The following CCDC73 variants were observed in gnomAD, a reference collection of about 807,000 sequenced individuals.
CCDC73 encodes coiled-coil domain containing 73.
In CCDC73, 95 loss-of-function variants were observed where a neutral mutation model predicts 116.5. The observed-to-expected ratio is 0.82, with a 90% CI of 0.69 to 0.97. The LOEUF (loss-of-function observed/expected upper bound fraction) is 0.97, where lower values mean the gene tolerates loss of function less well. Among genes scored for constraint, CCDC73 ranks in the 50% least tolerant of loss-of-function variants. The pLI, the probability that CCDC73 is intolerant of heterozygous loss-of-function variation, is 0.00. For missense variants in CCDC73, 1,066 were observed against 1,206.8 expected (o/e 0.88, Z 1.73); for synonymous variants, 398 against 401.3 (o/e 0.99, Z 0.10).
intron 12 of CCDC73, 57 bp from the exon 13 acceptor site, chr11:32,642,139 GT>G: frequency 7.1e-7 from 1 of 1,417,950 alleles, no homozygotes; most frequent in Non-Finnish European, 9.3e-7. Flanking sequence ...GAATTCTGAT[GT>G]GTTTTATGTT....
intron 9 of CCDC73, among the ~76,000 whole-genome samples, chr11:32,657,559 C>G (rs977304725): frequency 2.6e-5 from 4 of 152,110 alleles, no homozygotes; most frequent in African/African-American, 9.7e-5. Flanking sequence ...GCTCTGTGCC[C>G]TATGTGGCTG....
At chr11:32,672,449 TA>T (rs1459452058) in intron 9 of CCDC73, among the ~76,000 whole-genome samples, 2 of 152,190 alleles carry the variant, frequency 1.3e-5, no homozygotes, top group Non-Finnish European at 2.9e-5. Flanking sequence ...TAAGAATGCA[TA>T]AACTAATTGT....
the CCDC73 span, among the ~76,000 whole-genome samples, chr11:32,818,731 AG>A: frequency 0.1 from 15,628 of 152,306 alleles, 843 homozygotes; most frequent in Non-Finnish European, 0.13. Flanking sequence ...AGCCATAAAA[AG>A]GAGGGAGTAC....
At chr11:32,753,481 T>C (rs961367415) in intron 2 of CCDC73, among the ~76,000 whole-genome samples, 8 of 151,718 alleles carry the variant, frequency 5.3e-5, no homozygotes, top group Non-Finnish European at 1.0e-4. Context: ...TTCTTTTTTT[T>C]TGAGACAGAG....
At position 32,662,689 on chromosome 11, in the gene CCDC73, T is replaced by C. The variant is rs1470076029; in HGVS notation, c.646-7717A>G. On this transcript the variant is annotated intron_variant, in intron 9 of 17. Coordinates refer to ENST00000335185, the MANE Select transcript of CCDC73 (RefSeq NM_001008391.4). ...TTTGGTGCGCAGAAGCTCTTTAGTT[T>C]AATTAGATCCCAATTGTCAATGTTG... Among the ~76,000 whole-genome samples, 3 of 152,208 alleles carry C rather than the reference T, an allele frequency of 2.0e-5. No homozygotes were observed. The East Asian group carries it at 5.8e-4, about 29-fold the overall frequency.
chr11:32,818,510 C>T, the CCDC73 span, among the ~76,000 whole-genome samples: 11 of 152,274 alleles, frequency 7.2e-5, no homozygotes, highest in African/African-American at 1.4e-4. Context: ...TTTCTCAAAA[C>T]GTAAACATAG....
rs1855446878 is a variant in CCDC73, at chr11:32,613,926, T to C, written c.2392A>G (p.Met798Val). The C allele has an allele frequency of 1.2e-6, 2 of 1,612,334 alleles. No homozygotes were observed. The highest frequency in any genetic ancestry group is 1.1e-5 in the South Asian group (1 of 91,080). ...QAKDVKTAVH[M>V]KTCTETEFSN... ...AACTCTGTTTCTGTGCAAGTTTTCA[T>C]GTGAACAGCAGTTTTCACATCTTTG... The change falls in exon 16 of 18, where the codon ATG (methionine) becomes GTG (valine). Residue 798 changes from methionine (M) to valine (V), a missense_variant. Coordinates refer to ENST00000335185, the MANE Select transcript of CCDC73 (RefSeq NM_001008391.4).
chr11:32,759,195 T>A (rs1245519885), intron 2 of CCDC73, among the ~76,000 whole-genome samples: 1 of 152,010 alleles, frequency 6.6e-6, no homozygotes, highest in East Asian at 1.9e-4. Flanking sequence ...GTTTTTTTTC[T>A]CTCGAGAATC....
chr11:32,616,034 C>T lies in CCDC73; in HGVS notation c.1281G>A (p.Arg427=). 2 of 1,602,284 alleles carry T rather than the reference C, an allele frequency of 1.2e-6. No homozygotes were observed. The highest frequency in any genetic ancestry group is 1.7e-6 in the Non-Finnish European group (2 of 1,175,016). ...IQKYNTEQEI[R]EENMENFCSD... ...AACAAAAATTCTCCATATTTTCTTC[C>T]CTTATTTCTTGCTCAGTATTATATT... is the stretch of plus-strand genomic sequence containing the variant. The change falls in exon 15 of 18, where the codon AGG becomes AGA. Residue 427 remains arginine, a synonymous_variant. Transcript: ENST00000335185.
intron 2 of CCDC73, among the ~76,000 whole-genome samples, chr11:32,731,784 G>A (rs1298649793): frequency 5.3e-5 from 8 of 152,268 alleles, no homozygotes; most frequent in Non-Finnish European, 4.4e-5. Flanking sequence ...AAGACCAAAG[G>A]TAGATAAAAC....
intron 11 of CCDC73, 82 bp from the exon 12 acceptor site, chr11:32,653,309 G>A: frequency 1.2e-6 from 1 of 823,276 alleles, no homozygotes; most frequent in Non-Finnish European, 1.9e-6. Flanking sequence ...ACATTTTCTA[G>A]TTTCCTAACT....
At chr11:32,762,948 T>G (rs571798259) in intron 1 of CCDC73, among the ~76,000 whole-genome samples, 1 of 152,262 alleles carries the variant, frequency 6.6e-6, no homozygotes, top group Non-Finnish European at 1.5e-5. Flanking sequence ...ACCAGGAAAT[T>G]ATATCCTGCG....
chr11:32,788,581 C>T (rs548439475), intron 1 of CCDC73, among the ~76,000 whole-genome samples: 1 of 151,300 alleles, frequency 6.6e-6, no homozygotes, highest in East Asian at 2.0e-4. Flanking sequence ...CTCATGAGAT[C>T]CTCCCACCTC....
intron 6 of CCDC73, among the ~76,000 whole-genome samples, chr11:32,697,512 C>T (rs1343974619): frequency 7.3e-5 from 8 of 108,996 alleles, no homozygotes; most frequent in Non-Finnish European, 3.4e-5. Flanking sequence ...GAGATGGAGT[C>T]TTGCTCTGTC....
chr11:32,739,436 A>T (rs1367533235), intron 2 of CCDC73, among the ~76,000 whole-genome samples: 1 of 151,938 alleles, frequency 6.6e-6, no homozygotes, highest in Non-Finnish European at 1.5e-5. Flanking sequence ...TATTCCTTAG[A>T]TATTTAATTT....
intron 2 of CCDC73, among the ~76,000 whole-genome samples, chr11:32,725,677 G>A (rs1350697014): frequency 6.6e-6 from 1 of 152,110 alleles, no homozygotes; most frequent in Non-Finnish European, 1.5e-5. Flanking sequence ...TGGGTTTTAG[G>A]TTGGTCTAGA....
chr11:32,813,328 T>C, the CCDC73 span, among the ~76,000 whole-genome samples: 2 of 152,298 alleles, frequency 1.3e-5, no homozygotes, highest in South Asian at 4.1e-4. Context: ...GTCTCTTTTT[T>C]TTTCTGCAGC....
At chr11:32,701,263 C>G (rs1047287678) in intron 4 of CCDC73, among the ~76,000 whole-genome samples, 4 of 152,158 alleles carry the variant, frequency 2.6e-5, no homozygotes, top group African/African-American at 9.7e-5. Context: ...TTGCCATCCA[C>G]TCCTAAATCA....
upstream of CCDC73, among the ~76,000 whole-genome samples, chr11:32,795,752 C>G (rs932943931): frequency 1.3e-5 from 2 of 151,008 alleles, no homozygotes; most frequent in East Asian, 2.0e-4. Context: ...TGCAATGGCA[C>G]GATCTCAGCT....
Sources: gnomAD v4.1 joint callset for allele counts (sites outside exome capture counted in the v4.1 genomes callset) on GRCh38, gnomAD v4.1.1 for gene constraint, MANE v1.5 for transcripts, NCBI Gene and HGNC (gene_info 2026-07-23, HGNC 2026-07-21) for gene names.